Variants in USP31 observed in about 807,000 individuals in gnomAD.
USP31 encodes the protein ubiquitin specific peptidase 31.
In USP31, 44 loss-of-function variants were observed where a neutral mutation model predicts 119.4. The ratio of observed to expected loss-of-function variants is 0.37; its 90% CI spans 0.29 to 0.47. The LOEUF (loss-of-function observed/expected upper bound fraction) is 0.47. Among genes scored for constraint, USP31 ranks in the 20% least tolerant of loss-of-function variants. The pLI is 0.99. For missense variants in USP31, 1,643 were observed against 1,730.2 expected (o/e 0.95, Z 0.89); for synonymous variants, 749 against 705.6 (o/e 1.06, Z -0.97).
chr16:23,072,235 G>A (rs1354665674), intron 14 of USP31, 38 bp from the exon 15 acceptor site: 1 of 1,582,112 alleles, frequency 6.3e-7, no homozygotes, highest in South Asian at 1.1e-5. Flanking sequence ...TCAGGCTGGG[G>A]TCCCTCGGCC....
chr16:23,110,899 A>G (rs2141878847), intron 1 of USP31, among the ~76,000 whole-genome samples: 2 of 152,166 alleles, frequency 1.3e-5, no homozygotes, highest in Middle Eastern at 6.8e-3. Context: ...GAGTCCAAGG[A>G]GGGTGGATCA....
chr16:23,080,936 G>T lies in USP31; in HGVS notation c.1951-765C>A, dbSNP rs1265819456. On this transcript the variant is annotated intron_variant, in intron 12 of 15. Transcript: ENST00000219689. ...ATCCTCTGTGGCTTTTATGGAAAAGGTGATGTCACCAGAGTTGTGGGTCAA... is the reference window on the plus strand; with the variant it reads ...ATCCTCTGTGGCTTTTATGGAAAAGTTGATGTCACCAGAGTTGTGGGTCAA... Among the ~76,000 whole-genome samples the T allele has an allele frequency of 2.6e-5, 4 of 152,220 alleles. No homozygotes were observed. The East Asian group carries it at 7.7e-4, about 29-fold the overall frequency.
Position 23,067,915 on chromosome 16 carries a change from A to C in USP31, c.*131T>G. ...ATTAGACACACACACGCATACACTCACACACACACACACAGTCGGGCACGT... is the reference window on the plus strand; with the variant it reads ...ATTAGACACACACACGCATACACTCCCACACACACACACAGTCGGGCACGT... On this transcript the variant is annotated 3_prime_UTR_variant, in exon 16 of 16. Coordinates refer to ENST00000219689, the MANE Select transcript of USP31 (RefSeq NM_020718.4). 1.2e-6 allele frequency: 1 copy of C among 860,266 alleles called. No individual in the cohort carries two copies. 53.3% of individuals were successfully genotyped at this position (860,266 alleles called of 1,614,324 possible).
rs1045764008 is a variant in USP31 at position 23,094,248 on chromosome 16, C to T, written c.1235-3444G>A. Among the ~76,000 whole-genome samples the T allele has an allele frequency of 3.3e-5, 5 of 152,312 alleles. No individual in the cohort carries two copies. The East Asian group carries it at 7.7e-4, about 24-fold the overall frequency. On this transcript the variant is annotated intron_variant, in intron 6 of 15. Transcript: ENST00000219689. ...CCCACGGAGTCTTGCTCACTGCTAG[C>T]GCAGCAGTCTGAGAACAAACTGCGA...
Position 23,087,169 on chromosome 16 carries a change from C to G in USP31, c.1545G>C (p.Leu515Phe). 1 of 1,613,550 alleles carries G rather than the reference C, an allele frequency of 6.2e-7. No homozygotes were observed. Among genetic ancestry groups the G allele is most frequent in the Non-Finnish European group, 8.5e-7 (1 of 1,179,790 alleles). ...TTATTCCAACAACACTGACCACACG[C>G]AAGCTGAATGGACACACCTGCATCA... ...TVCIQVCPFS[L>F]RVVSVVGITY... Residue 515 changes from leucine (L) to phenylalanine (F), a missense_variant, in exon 9 of 16, where the codon TTG becomes TTC. Leu to Phe is a conservative substitution (Grantham distance 22, BLOSUM62 0). Coordinates refer to ENST00000219689, the MANE Select transcript of USP31 (RefSeq NM_020718.4).
rs766081035 is a variant in USP31, at chr16:23,105,583, A to G, written c.954-7T>C. On this transcript the variant is annotated splice_polypyrimidine_tract_variant and splice_region_variant and intron_variant, in intron 4 of 15. Transcript: ENST00000219689. ...TACAGTGACATAGAGAGGCCTGTAC[A>G]GATCAAAGTCAGATCTTCTCATTAG... The G allele has an allele frequency of 6.4e-7, 1 of 1,565,796 alleles. No homozygotes were observed. Among genetic ancestry groups the G allele is most frequent in the Non-Finnish European group, 8.6e-7 (1 of 1,156,720 alleles).
chr16:23,075,694 T>C (rs1027027712), intron 13 of USP31, among the ~76,000 whole-genome samples: 2 of 152,188 alleles, frequency 1.3e-5, no homozygotes, highest in African/African-American at 2.4e-5. Flanking sequence ...TCATCACAGA[T>C]GGTGTGAGAG....
At chr16:23,134,047 G>A (rs1313555528) in intron 1 of USP31, among the ~76,000 whole-genome samples, 3 of 151,122 alleles carry the variant, frequency 2.0e-5, no homozygotes, top group East Asian at 3.9e-4. Context: ...ACTACACTCC[G>A]GCCTGGGCAA....
At chr16:23,119,909 T>C (rs1371212973) in intron 1 of USP31, among the ~76,000 whole-genome samples, 2 of 152,194 alleles carry the variant, frequency 1.3e-5, no homozygotes, top group Non-Finnish European at 2.9e-5. Flanking sequence ...GTTCTTCACC[T>C]TAAATGCTCA....
chr16:23,128,092 C>T (rs1276295631), intron 1 of USP31, among the ~76,000 whole-genome samples: 4 of 152,134 alleles, frequency 2.6e-5, no homozygotes, highest in African/African-American at 9.7e-5. Context: ...GTCAATAAAA[C>T]CCCGAAGCCC....
At chr16:23,089,498 C>T (rs1901258237) in intron 7 of USP31, among the ~76,000 whole-genome samples, 1 of 152,210 alleles carries the variant, frequency 6.6e-6, no homozygotes, top group South Asian at 2.1e-4. Context: ...GCCCAACACA[C>T]TGTAAACACT....
intron 6 of USP31, among the ~76,000 whole-genome samples, chr16:23,093,438 T>TC (rs1901460155): frequency 6.6e-6 from 1 of 152,214 alleles, no homozygotes; most frequent in Non-Finnish European, 1.5e-5. Context: ...AAGATGTTCA[T>TC]CATCATTTAC....
chr16:23,127,152 G>C lies in USP31; in HGVS notation c.634-18969C>G, dbSNP rs148774012. On this transcript the variant is annotated intron_variant, in intron 1 of 15. Coordinates refer to ENST00000219689, the MANE Select transcript of USP31 (RefSeq NM_020718.4). ...AGCAAAAAAAGAAACAAATTGACTA[G>C]TGTGGTGGCTCACTCCTGTAATCCC... Among the ~76,000 whole-genome samples the C allele has an allele frequency of 1.0e-3, 159 of 152,242 alleles. 3 individuals are homozygous for C. The East Asian group carries it at 0.022, about 21-fold the overall frequency.
At chr16:23,125,366 T>A (rs550734547) in intron 1 of USP31, among the ~76,000 whole-genome samples, 1 of 152,228 alleles carries the variant, frequency 6.6e-6, no homozygotes, top group East Asian at 1.9e-4. Flanking sequence ...TCCACCTCCC[T>A]CAGCAATACC....
rs80152625 is a variant in USP31 at position 23,088,763 on chromosome 16, G to T, written c.1416-928C>A. Among the ~76,000 whole-genome samples the T allele has an allele frequency of 3.2e-3, 494 of 152,262 alleles. 1 individual carries two copies. The highest frequency in any genetic ancestry group is 0.011 in the African/African-American group (466 of 41,542). On this transcript the variant is annotated intron_variant, in intron 7 of 15. Coordinates refer to ENST00000219689, the MANE Select transcript of USP31 (RefSeq NM_020718.4). The stretch of plus-strand genomic sequence containing the variant: ...ATAAACAATGCCTGCTTATTTTTCT[G>T]CCTCCACCAATAGGCTGTGAGTTAT...
intron 6 of USP31, among the ~76,000 whole-genome samples, chr16:23,099,083 G>T (rs572859138): frequency 1.3e-5 from 2 of 152,068 alleles, no homozygotes; most frequent in African/African-American, 4.8e-5. Context: ...TCTGACAAAG[G>T]GCTAATATCC....
Position 23,137,144 on chromosome 16 carries a change from T to C in USP31, c.633+11494A>G, listed in dbSNP as rs554897838. On this transcript the variant is annotated intron_variant, in intron 1 of 15. Transcript: ENST00000219689. ...AAGAGGATCCCTTGATCCCAGGAGGTTGAGGATGCAGTGAGCCATTACTGA... is the reference window on the plus strand; with the variant it reads ...AAGAGGATCCCTTGATCCCAGGAGGCTGAGGATGCAGTGAGCCATTACTGA... Among the ~76,000 whole-genome samples the C allele has an allele frequency of 4.6e-5, 7 of 152,078 alleles. No individual in the cohort carries two copies. In the East Asian group the frequency reaches 9.7e-4, roughly 21 times the overall value.
chr16:23,149,135 GC>G lies in USP31; in HGVS notation c.135del (p.Pro46ArgfsTer20). 1 of 1,244,112 alleles carries G rather than the reference GC, an allele frequency of 8.0e-7. No homozygotes were observed. The highest frequency in any genetic ancestry group is 2.3e-5 in the South Asian group (1 of 44,288). The allele number at this position is 1,244,112 out of a possible 1,614,324, so 77.1% of individuals were successfully genotyped here. Reference protein sequence around the residue: ...GGGAGGPGASGPAAPSSPSSP... With the variant: ...GGGAGGPGASXPAAPSSPSSP... ...GAGGAGGGCGAGGAAGGCGCGGCCG[GC>G]CCGGACGCCCCGGGGCCCCCCGCGC... On this transcript the variant is annotated frameshift_variant, in exon 1 of 16. Transcript: ENST00000219689. LOFTEE classifies it high-confidence loss of function.
rs764599324 is a variant in USP31 at position 23,068,567 on chromosome 16, G to A, written c.3538C>T (p.Arg1180Trp). 37 of 1,613,972 alleles carry A rather than the reference G, an allele frequency of 2.3e-5. No individual in the cohort carries two copies. The highest frequency in any genetic ancestry group is 5.5e-5 in the South Asian group (5 of 91,084). ...TCCCCTGCTCGGGCCTGGCTCACCC[G>A]AGGGGAATTGGGTTTGGAGGTGGAG... ...ATSTSKPNSP[R>W]VSQARAGEGR... The change falls in exon 16 of 16, where the codon CGG becomes TGG. Residue 1180 changes from arginine to tryptophan, a missense_variant. Physicochemically the swap from Arg to Trp is moderately radical, Grantham distance 101 (BLOSUM62 -3). Around this residue, in one of 5 missense-constraint regions of USP31, gnomAD observed 699 missense variants for 650.9 expected, o/e 1.07. Transcript: ENST00000219689.
Sources: allele counts gnomAD v4.1 joint callset (sites outside exome capture counted in the v4.1 genomes callset), GRCh38; gene constraint gnomAD v4.1.1; regional missense constraint gnomAD v4.1.1; transcripts MANE v1.5; gene names NCBI Gene and HGNC (gene_info 2026-07-23, HGNC 2026-07-21).